Variants in SCNN1B observed in about 807,000 individuals in gnomAD.
SCNN1B encodes sodium channel epithelial 1 subunit beta, also known as epithelial sodium channel subunit beta.
A neutral mutation model predicts 65.3 loss-of-function variants in SCNN1B; 46 were observed. The observed-to-expected ratio is 0.70, with a 90% CI of 0.56 to 0.90. SCNN1B has a LOEUF of 0.90. Among genes scored for constraint, SCNN1B ranks in the 40% least tolerant of loss-of-function variants. The probability of loss-of-function intolerance (pLI) is 0.00; values close to 1 mark genes in which losing one functional copy is unlikely to be tolerated. For synonymous variants in SCNN1B, 349 were observed against 330.6 expected (o/e 1.06, Z -0.60); for missense variants, 751 against 830.5 (o/e 0.90, Z 1.18).
chr16:23,316,038 CCACCAT>C (rs1162825520), intron 1 of SCNN1B, among the ~76,000 whole-genome samples: 1 of 144,624 alleles, frequency 6.9e-6, no homozygotes, highest in Admixed American at 6.9e-5. Context: ...ATCACCATCG[CCACCAT>C]CACCATCACC....
intron 1 of SCNN1B, among the ~76,000 whole-genome samples, chr16:23,319,005 G>A (rs905228792): frequency 2.0e-5 from 3 of 151,750 alleles, no homozygotes; most frequent in African/African-American, 4.8e-5. Flanking sequence ...GAGGAGTCCT[G>A]CAATCTGGTT....
chr16:23,292,224 C>T lies in SCNN1B; in HGVS notation n.178+8420C>T, dbSNP rs373667771. Among the ~76,000 whole-genome samples the T allele has an allele frequency of 3.4e-5, 5 of 146,766 alleles. No homozygotes were observed. In the East Asian group the frequency reaches 1.0e-3, roughly 29 times the overall value. On this transcript the variant is annotated intron_variant and non_coding_transcript_variant, in intron 2 of 3. Transcript: ENST00000569789. ...TTTTTTTTTTTTTGAGACGGAGTCTCGCTCTGTCGCCCAGGCTGGAGTGCA... is the reference window on the plus strand; with the variant it reads ...TTTTTTTTTTTTTGAGACGGAGTCTTGCTCTGTCGCCCAGGCTGGAGTGCA...
chr16:23,331,471 C>T (rs1426464671), intron 1 of SCNN1B, among the ~76,000 whole-genome samples: 1 of 151,964 alleles, frequency 6.6e-6, no homozygotes, highest in African/African-American at 2.4e-5. Context: ...ATTACAAGTA[C>T]CCACCACCAG....
rs1264006219 is a variant in SCNN1B, at chr16:23,331,204, C to T, written c.-8-17388C>T. Among the ~76,000 whole-genome samples, 4 of 152,326 alleles carry T rather than the reference C, an allele frequency of 2.6e-5. No individual in the cohort carries two copies. The East Asian group carries it at 5.8e-4, about 22-fold the overall frequency. ...CCACTGGCTCCTGTCAGAATCACTC[C>T]CTTCTTTCTCAGCGCTCCTGGGTGG... On this transcript the variant is annotated intron_variant, in intron 1 of 12. Transcript: ENST00000343070.
chr16:23,296,152 C>T (rs1960994053), intron 2 of SCNN1B, among the ~76,000 whole-genome samples: 1 of 152,022 alleles, frequency 6.6e-6, no homozygotes, highest in South Asian at 2.1e-4. Flanking sequence ...CCCAGACGTA[C>T]CAGGAGTAGA....
chr16:23,291,843 A>G (rs908838887), intron 2 of SCNN1B, among the ~76,000 whole-genome samples: 3 of 151,628 alleles, frequency 2.0e-5, no homozygotes, highest in Non-Finnish European at 4.4e-5. Context: ...GGCCTCCCAA[A>G]GTGCTGGGTT....
intron 2 of SCNN1B, among the ~76,000 whole-genome samples, chr16:23,284,572 T>C (rs1960825824): frequency 6.6e-6 from 1 of 152,038 alleles, no homozygotes; most frequent in African/African-American, 2.4e-5. Flanking sequence ...GAAAGAAAGC[T>C]AGGAGGCAGA....
chr16:23,290,133 G>A (rs892204761), intron 2 of SCNN1B, among the ~76,000 whole-genome samples: 3 of 152,142 alleles, frequency 2.0e-5, no homozygotes, highest in South Asian at 2.1e-4. Context: ...AAATGAGGCC[G>A]ATAGTCTCTG....
At chr16:23,330,327 G>A (rs1300038831) in intron 1 of SCNN1B, among the ~76,000 whole-genome samples, 1 of 152,208 alleles carries the variant, frequency 6.6e-6, no homozygotes. Flanking sequence ...GCAGGCACAA[G>A]CAGCTGTTCT....
intron 2 of SCNN1B, among the ~76,000 whole-genome samples, chr16:23,297,006 AAG>A (rs746891770): frequency 0.021 from 3,128 of 147,688 alleles, 28 homozygotes; most frequent in Non-Finnish European, 0.032. Flanking sequence ...AAAAAAAAAA[AAG>A]AGAGAGAGAG....
chr16:23,297,227 C>T (rs150180262), intron 2 of SCNN1B, among the ~76,000 whole-genome samples: 67 of 152,298 alleles, frequency 4.4e-4, no homozygotes, highest in South Asian at 1.7e-3. Flanking sequence ...CCTATCTGAG[C>T]CTCACTCACT....
intron 1 of SCNN1B, among the ~76,000 whole-genome samples, chr16:23,334,654 C>T (rs1961899615): frequency 6.6e-6 from 1 of 152,220 alleles, no homozygotes; most frequent in African/African-American, 2.4e-5. Context: ...CCCCATTCAC[C>T]CCTCTGCAAC....
intron 1 of SCNN1B, among the ~76,000 whole-genome samples, chr16:23,322,403 C>T (rs952709783): frequency 1.3e-5 from 2 of 152,146 alleles, no homozygotes; most frequent in East Asian, 1.9e-4. Context: ...CGGGTTCCAG[C>T]GATCCTTCCA....
chr16:23,362,989 C>T (rs556228979), intron 4 of SCNN1B, among the ~76,000 whole-genome samples: 1 of 152,294 alleles, frequency 6.6e-6, no homozygotes, highest in Admixed American at 6.5e-5. Context: ...CCTTTCTCCT[C>T]CCTACCCTGT....
intron 2 of SCNN1B, among the ~76,000 whole-genome samples, chr16:23,294,648 A>G (rs1251990513): frequency 1.3e-5 from 2 of 151,222 alleles, no homozygotes; most frequent in Non-Finnish European, 2.9e-5. Flanking sequence ...CAACCTCCAT[A>G]CCTCCTTTAG....
At chr16:23,327,976 C>G (rs1567298745) in intron 1 of SCNN1B, among the ~76,000 whole-genome samples, 1 of 152,170 alleles carries the variant, frequency 6.6e-6, no homozygotes, top group Non-Finnish European at 1.5e-5. Flanking sequence ...GGATGGAGGC[C>G]TATATCATCC....
chr16:23,354,387 G>T (rs906061890), intron 3 of SCNN1B, among the ~76,000 whole-genome samples: 1 of 152,260 alleles, frequency 6.6e-6, no homozygotes, highest in African/African-American at 2.4e-5. Context: ...GTGTAAGAAT[G>T]CCAGGGGAAG....
At chr16:23,360,871 C>T (rs1962539190) in intron 4 of SCNN1B, among the ~76,000 whole-genome samples, 1 of 151,172 alleles carries the variant, frequency 6.6e-6, no homozygotes, top group Non-Finnish European at 1.5e-5. Flanking sequence ...CTCGGCTCAC[C>T]ACAAGCTCCG....
chr16:23,321,703 G>A (rs1055324339), intron 1 of SCNN1B, among the ~76,000 whole-genome samples: 5 of 152,132 alleles, frequency 3.3e-5, no homozygotes, highest in South Asian at 2.1e-4. Context: ...GGTACTCCGC[G>A]GACGGTGGCT....
Sources: allele counts gnomAD v4.1 joint callset (sites outside exome capture counted in the v4.1 genomes callset), GRCh38; gene constraint gnomAD v4.1.1; transcripts MANE v1.5; gene names NCBI Gene and HGNC (gene_info 2026-07-23, HGNC 2026-07-21).